Variants in PPP2R1A observed in about 807,000 individuals in gnomAD.
The protein encoded by PPP2R1A is serine/threonine-protein phosphatase 2A 65 kDa regulatory subunit A alpha isoform.
Under a neutral mutation model 67.1 loss-of-function variants are expected in PPP2R1A, and 15 were observed. That is an observed-to-expected ratio of 0.22 (90% CI 0.15 to 0.34). The LOEUF (loss-of-function observed/expected upper bound fraction) is 0.34, where lower values mean the gene tolerates loss of function less well. Ranked by LOEUF, PPP2R1A falls within the 10% of genes least tolerant of loss-of-function variation. The probability of loss-of-function intolerance (pLI) is 1.00; values close to 1 mark genes in which losing one functional copy is unlikely to be tolerated. For missense variants in PPP2R1A, 369 were observed against 775.0 expected (o/e 0.48, Z 6.22); for synonymous variants, 337 against 325.0 (o/e 1.04, Z -0.40).
At position 52,226,868 on chromosome 19, in the gene PPP2R1A, A is replaced by C. The variant is rs1979297574; in HGVS notation, c.*887A>C. 1 of 152,220 alleles carries C rather than the reference A, an allele frequency of 6.6e-6. No individual in the cohort carries two copies. The highest frequency in any genetic ancestry group is 2.4e-5 in the African/African-American group (1 of 41,446). 9.4% of individuals were successfully genotyped at this position (152,220 alleles called of 1,614,324 possible). A position where few individuals can be genotyped will look rare whatever the true frequency, so the allele number is the denominator to read the frequency against. Reference sequence around the variant, plus strand: ...TACCTGGAAAGTGTGTAACAGTTTCAACATGAGAAGTACACAACATGAGAA... The same window carrying C: ...TACCTGGAAAGTGTGTAACAGTTTCCACATGAGAAGTACACAACATGAGAA... On this transcript the variant is annotated 3_prime_UTR_variant, in exon 15 of 15. Transcript: ENST00000322088.
chr19:52,197,319 T>A (rs193098810), intron 1 of PPP2R1A, among the ~76,000 whole-genome samples: 19 of 152,204 alleles, frequency 1.2e-4, no homozygotes, highest in Admixed American at 1.1e-3. Context: ...TCTTTCAAAA[T>A]TGCGTTCATT....
At chr19:52,215,645 T>G in intron 6 of PPP2R1A, 134 bp from the exon 7 acceptor site, 1 of 682,240 alleles carries the variant, frequency 1.5e-6, no homozygotes, top group Non-Finnish European at 2.5e-6. Flanking sequence ...GGCACTCGAA[T>G]TAGATTTTAG....
Position 52,193,226 on chromosome 19 carries a change from G to A in PPP2R1A, c.78+3052G>A, listed in dbSNP as rs140395875. Among the ~76,000 whole-genome samples the A allele has an allele frequency of 1.7e-3, 259 of 152,332 alleles. 2 individuals carry two copies. The highest frequency in any genetic ancestry group is 0.012 in the South Asian group (58 of 4,826). On this transcript the variant is annotated intron_variant, in intron 1 of 14. Transcript: ENST00000322088. Reference sequence around the variant, plus strand: ...ATGAAGGAGCCAGGAAAGGAAGTAGGACCTAAGGGTGGAATAGAATCTGGG... The same window carrying A: ...ATGAAGGAGCCAGGAAAGGAAGTAGAACCTAAGGGTGGAATAGAATCTGGG...
chr19:52,220,428 A>G (rs1978846947), intron 11 of PPP2R1A, among the ~76,000 whole-genome samples, 179 bp downstream of exon 11: 1 of 152,086 alleles, frequency 6.6e-6, no homozygotes, highest in African/African-American at 2.4e-5. Context: ...TGGGAGGAGG[A>G]CGAAACAGAT....
Position 52,213,457 on chromosome 19 carries a change from G to GTTTTTTTTTTTT in PPP2R1A, c.807+366_807+377dup. 1.4e-5 allele frequency among the ~76,000 whole-genome samples: 1 copy of GTTTTTTTTTTTT among 71,762 alleles called. No individual in the cohort carries two copies. The highest frequency in any genetic ancestry group is 2.6e-5 in the Non-Finnish European group (1 of 37,754). The allele number at this position is 71,762 out of a possible 152,430, so 47.1% of individuals were successfully genotyped here. A position where few individuals can be genotyped will look rare whatever the true frequency, so the allele number is the denominator to read the frequency against. ...GCCCAAAAAGGTGGGGTTTTTTGGT[G>GTTTTTTTTTTTT]TTTTTTTTTTTTTTTTTTTTTTTTT... is the stretch of plus-strand genomic sequence containing the variant. On this transcript the variant is annotated intron_variant, in intron 6 of 14. Coordinates refer to ENST00000322088, the MANE Select transcript of PPP2R1A (RefSeq NM_014225.6). This position sits in a 1 kb window ranked among gnomAD's most constrained non-coding sequence, Gnocchi z 4.2.
intron 9 of PPP2R1A, among the ~76,000 whole-genome samples, chr19:52,217,542 G>A (rs1978653107): frequency 6.6e-6 from 1 of 152,188 alleles, no homozygotes. Flanking sequence ...GAGACTGGCA[G>A]TGGAGAGAGA....
intron 2 of PPP2R1A, among the ~76,000 whole-genome samples, 170 bp downstream of exon 2, chr19:52,202,204 A>G (rs2089556439): frequency 6.6e-6 from 1 of 152,228 alleles, no homozygotes; most frequent in Non-Finnish European, 1.5e-5. Flanking sequence ...CTCTAAAAGA[A>G]TGGTCTGGAA....
rs140292879 is a variant in PPP2R1A at position 52,209,691 on chromosome 19, C to T, written c.271-1569C>T. ...GAGCTCCCCCTTCCCTCTCCCCCAG[C>T]CCCTGGCAGCCACCGTAGGAGTTTG... On this transcript the variant is annotated intron_variant, in intron 3 of 14. Coordinates refer to ENST00000322088, the MANE Select transcript of PPP2R1A (RefSeq NM_014225.6). Among the ~76,000 whole-genome samples the T allele has an allele frequency of 1.7e-4, 26 of 152,276 alleles. No individual in the cohort carries two copies. The East Asian group carries it at 5.0e-3, about 29-fold the overall frequency.
intron 3 of PPP2R1A, among the ~76,000 whole-genome samples, chr19:52,208,469 G>A (rs952398713): frequency 6.6e-6 from 1 of 151,694 alleles, no homozygotes; most frequent in African/African-American, 2.4e-5. Flanking sequence ...GTGCCTGGGT[G>A]TGAGGGTTGT....
Position 52,221,016 on chromosome 19 carries a change from G to T in PPP2R1A, c.1401G>T (p.Lys467Asn). The T allele has an allele frequency of 6.2e-7, 1 of 1,614,198 alleles. No individual in the cohort carries two copies. Among genetic ancestry groups the T allele is most frequent in the Non-Finnish European group, 8.5e-7 (1 of 1,180,028 alleles). ...GCGAGGCAGCCACCAGCAACCTGAA[G>T]AAGCTAGTGGAAAAGTTTGGGAAGG... ...AIREAATSNL[K>N]KLVEKFGKEW... is the part of the protein sequence containing the mutation. Residue 467 changes from lysine to asparagine, a missense_variant, in exon 12 of 15, where the codon AAG becomes AAT. Lys to Asn is a moderately conservative substitution (Grantham distance 94, BLOSUM62 0). Around this residue, in one of 2 missense-constraint regions of PPP2R1A, gnomAD observed 276 missense variants for 508.4 expected, o/e 0.54. Transcript: ENST00000322088.
Position 52,213,197 on chromosome 19 carries a change from A to G in PPP2R1A, c.807+87A>G. 1 of 1,428,498 alleles carries G rather than the reference A, an allele frequency of 7.0e-7. No homozygotes were observed. The highest frequency in any genetic ancestry group is 9.2e-7 in the Non-Finnish European group (1 of 1,088,912). The allele number at this position is 1,428,498 out of a possible 1,614,324, so 88.5% of individuals were successfully genotyped here. A position where few individuals can be genotyped will look rare whatever the true frequency, so the allele number is the denominator to read the frequency against. On this transcript the variant is annotated intron_variant, in intron 6 of 14. Coordinates refer to ENST00000322088, the MANE Select transcript of PPP2R1A (RefSeq NM_014225.6). The surrounding 1 kb of genome is among the most constrained non-coding windows in gnomAD (Gnocchi z 4.2). ...GCATATAGGAGCTGAGGTTTCCATT[A>G]GGCCGATGGAACCATTGGGCGTTTG...
intron 13 of PPP2R1A, among the ~76,000 whole-genome samples, chr19:52,224,696 G>A (rs958719901): frequency 6.6e-6 from 1 of 151,974 alleles, no homozygotes; most frequent in African/African-American, 2.4e-5. Flanking sequence ...TTGGTTTTTT[G>A]CAGTTTGTTT....
intron 13 of PPP2R1A, 166 bp downstream of exon 13, chr19:52,222,407 A>G: frequency 9.7e-7 from 1 of 1,033,170 alleles, no homozygotes; most frequent in Non-Finnish European, 1.3e-6. Flanking sequence ...CAACTGTAAA[A>G]TGAACATCAC....
At chr19:52,194,092 A>G (rs1214913333) in intron 1 of PPP2R1A, among the ~76,000 whole-genome samples, 1 of 147,842 alleles carries the variant, frequency 6.8e-6, no homozygotes, top group East Asian at 1.9e-4. Context: ...TGTCTCCAAA[A>G]AAAAAAAAAA....
chr19:52,199,364 T>C (rs748018342), intron 1 of PPP2R1A, among the ~76,000 whole-genome samples: 1 of 151,848 alleles, frequency 6.6e-6, no homozygotes, highest in Non-Finnish European at 1.5e-5. Flanking sequence ...AGAGACGGGG[T>C]TTCACCGTGT....
Position 52,219,969 on chromosome 19 carries a change from T to G in PPP2R1A, c.1302+105T>G. On this transcript the variant is annotated intron_variant, in intron 10 of 14. Coordinates refer to ENST00000322088, the MANE Select transcript of PPP2R1A (RefSeq NM_014225.6). This position sits in a 1 kb window ranked among gnomAD's most constrained non-coding sequence, Gnocchi z 4.0. ...GGCTTTGAAGGCTTAGTGGAGGCTG[T>G]GACAACTGCCTGGGGAGTCGAAGGA... is the stretch of plus-strand genomic sequence containing the variant. The G allele has an allele frequency of 2.1e-6, 3 of 1,408,026 alleles. No individual in the cohort carries two copies. The highest frequency in any genetic ancestry group is 2.9e-6 in the Non-Finnish European group (3 of 1,049,744). The allele number at this position is 1,408,026 out of a possible 1,614,324, so 87.2% of individuals were successfully genotyped here.
At chr19:52,204,548 T>C (rs10410678) in intron 2 of PPP2R1A, among the ~76,000 whole-genome samples, 2,127 of 152,264 alleles carry the variant, frequency 0.014, 49 homozygotes, top group African/African-American at 0.049. Context: ...GTGCTGGCAG[T>C]TCCCAGGTGT....
At position 52,220,359 on chromosome 19, in the gene PPP2R1A, C is replaced by T. The variant is rs113356575; in HGVS notation, c.1363+110C>T. On this transcript the variant is annotated intron_variant, in intron 11 of 14. Transcript: ENST00000322088. ...AGGAGGCTAGAGTCACTCCCCACGC[C>T]GCTGGATGCTCGTATGGACCAGCTC... The T allele has an allele frequency of 1.5e-3, 1,793 of 1,178,292 alleles. 18 individuals carry two copies. The African/African-American group carries it at 0.023, about 15-fold the overall frequency. The allele number at this position is 1,178,292 out of a possible 1,614,324, so 73.0% of individuals were successfully genotyped here.
Position 52,216,456 on chromosome 19 carries a change from G to A in PPP2R1A, c.994-73G>A. 2 of 1,566,558 alleles carry A rather than the reference G, an allele frequency of 1.3e-6. No individual in the cohort carries two copies. Among genetic ancestry groups the A allele is most frequent in the South Asian group, 2.2e-5 (2 of 89,222 alleles). On this transcript the variant is annotated intron_variant, in intron 8 of 14. Transcript: ENST00000322088. This position sits in a 1 kb window ranked among gnomAD's most constrained non-coding sequence, Gnocchi z 4.3. ...AGAAGCAGGTTATTGTCTCTTAGGAGTTGGCATCTGCTTAGCCACTTGCTG... is the reference window on the plus strand; with the variant it reads ...AGAAGCAGGTTATTGTCTCTTAGGAATTGGCATCTGCTTAGCCACTTGCTG...
Sources: allele counts gnomAD v4.1 joint callset (sites outside exome capture counted in the v4.1 genomes callset), GRCh38; gene constraint gnomAD v4.1.1; regional missense constraint gnomAD v4.1.1; non-coding constraint Gnocchi (gnomAD v3.1); transcripts MANE v1.5; gene names NCBI Gene and HGNC (gene_info 2026-07-23, HGNC 2026-07-21).